RAB40B: variants seen among roughly 807,000 people sequenced by gnomAD.
RAB40B encodes ras-related protein Rab-40B.
In RAB40B, 21 loss-of-function variants were observed where a neutral mutation model predicts 24.0. The observed-to-expected ratio is 0.88, with a 90% CI of 0.62 to 1.26. RAB40B has a LOEUF of 1.26. Among genes scored for constraint, RAB40B ranks in the 50% most tolerant of loss-of-function variants. RAB40B has a pLI of 0.00. For missense variants in RAB40B, 348 were observed against 390.5 expected (o/e 0.89, Z 0.92); for synonymous variants, 167 against 169.8 (o/e 0.98, Z 0.13).
At chr17:82,664,680 T>G in intron 1 of RAB40B, 124 bp from the exon 2 acceptor site, 1 of 897,196 alleles carries the variant, frequency 1.1e-6, no homozygotes. Context: ...GGCAGGCGGA[T>G]GGGACCCCCT....
chr17:82,663,824 G>A lies in RAB40B; in HGVS notation c.203+672C>T, dbSNP rs1251477539. On this transcript the variant is annotated intron_variant, in intron 2 of 5. Transcript: ENST00000571995. The surrounding 1 kb of genome is among the most constrained non-coding windows in gnomAD (Gnocchi z 6.2). Reference sequence around the variant, plus strand: ...ATCTTCCCACAGACACCAGGCCACAGGTTCTGATCCCAAAAGCCGATTCCC... The same window carrying A: ...ATCTTCCCACAGACACCAGGCCACAAGTTCTGATCCCAAAAGCCGATTCCC... Among the ~76,000 whole-genome samples, 1 of 152,186 alleles carries A rather than the reference G, an allele frequency of 6.6e-6. No homozygotes were observed. Among genetic ancestry groups the A allele is most frequent in the Non-Finnish European group, 1.5e-5 (1 of 68,026 alleles).
intron 1 of RAB40B, among the ~76,000 whole-genome samples, chr17:82,684,160 G>T (rs900273804): frequency 6.1e-5 from 9 of 148,110 alleles, no homozygotes; most frequent in South Asian, 2.1e-4. Context: ...GGCAGGGGTT[G>T]CAGTGAGCCA....
At chr17:82,660,135 G>A (rs777904019) in intron 3 of RAB40B, among the ~76,000 whole-genome samples, 33 of 147,740 alleles carry the variant, frequency 2.2e-4, no homozygotes, top group Non-Finnish European at 4.6e-4. Context: ...GTGTACACAC[G>A]TGTACTCATG....
At chr17:82,696,903 A>C (rs1598322613) in intron 1 of RAB40B, 1 of 153,732 alleles carries the variant, frequency 6.5e-6, no homozygotes, top group South Asian at 1.9e-4. Flanking sequence ...TTCTAATTAC[A>C]CTTCCACAGC....
At chr17:82,683,514 A>G (rs763007057) in intron 1 of RAB40B, among the ~76,000 whole-genome samples, 6 of 152,236 alleles carry the variant, frequency 3.9e-5, no homozygotes, top group Non-Finnish European at 5.9e-5. Flanking sequence ...GAGGCCAGAC[A>G]TAGTGGCTCA....
rs572913212 is a variant in RAB40B at position 82,659,172 on chromosome 17, C to T, written c.342+408G>A. 3.1e-5 allele frequency: 8 copies of T among 260,006 alleles called. No homozygotes were observed. In the East Asian group the frequency reaches 3.7e-4, roughly 12 times the overall value. 16.1% of individuals were successfully genotyped at this position (260,006 alleles called of 1,614,324 possible). ...TTGTGGTCGTCGGTTCTAGCAGCCC[C>T]GGGACACTCATACAGTGGGCTTAGT... On this transcript the variant is annotated intron_variant, in intron 4 of 5. Transcript: ENST00000571995.
At chr17:82,662,470 C>T (rs747480650) in intron 2 of RAB40B, 96 of 985,296 alleles carry the variant, frequency 9.7e-5, no homozygotes, top group Non-Finnish European at 1.1e-4. Flanking sequence ...TGGGCCGCTG[C>T]CACCCTGAAG....
rs1460621567 is a variant in RAB40B, at chr17:82,659,578, AC to A, written c.342+1del. 1 of 1,613,888 alleles carries A rather than the reference AC, an allele frequency of 6.2e-7. No individual in the cohort carries two copies. The stretch of plus-strand genomic sequence containing the variant: ...TTGGGCAGTGGCATTTCTACAACAT[AC>A]CTCATCGATCTCCTTAATCCATCGA... On this transcript the variant is annotated splice_donor_variant, in intron 4 of 5. Coordinates refer to ENST00000571995, the MANE Select transcript of RAB40B (RefSeq NM_006822.3). LOFTEE classifies it high-confidence loss of function.
In RAB40B at chr17:82,692,230, G is replaced by T. The variant is rs59895598; in HGVS notation, c.142+6225C>A. ...ACAGGCAGAGCAGTGGGGCCCGCAC[G>T]GTCCGTGGGCTGAGGTGACAGGCAG... is the stretch of plus-strand genomic sequence containing the variant. On this transcript the variant is annotated intron_variant, in intron 1 of 5. Transcript: ENST00000571995. This position sits in a 1 kb window ranked among gnomAD's most constrained non-coding sequence, Gnocchi z 4.0. 0.037 allele frequency among the ~76,000 whole-genome samples: 5,405 copies of T among 146,574 alleles called. 153 individuals are homozygous for T. The highest frequency in any genetic ancestry group is 0.11 in the East Asian group (542 of 4,772).
At position 82,666,829 on chromosome 17, in the gene RAB40B, A is replaced by G. The variant is rs190198225; in HGVS notation, c.143-2273T>C. ...GACCAGCCTTTGTGGGATTTGCTTG[A>G]TTTATTTCATGTATAGGATTTACTT... On this transcript the variant is annotated intron_variant, in intron 1 of 5. Coordinates refer to ENST00000571995, the MANE Select transcript of RAB40B (RefSeq NM_006822.3). Among the ~76,000 whole-genome samples the G allele has an allele frequency of 2.6e-5, 4 of 152,272 alleles. No homozygotes were observed. In the East Asian group the frequency reaches 7.7e-4, roughly 29 times the overall value.
chr17:82,662,007 A>G, intron 2 of RAB40B: 1 of 985,424 alleles, frequency 1.0e-6, no homozygotes, highest in Non-Finnish European at 1.2e-6. Flanking sequence ...GAGTCTGCAC[A>G]TGCAACGAAC....
intron 1 of RAB40B, among the ~76,000 whole-genome samples, chr17:82,676,105 A>G (rs1338523134): frequency 6.6e-6 from 1 of 152,044 alleles, no homozygotes; most frequent in Non-Finnish European, 1.5e-5. Context: ...CTGGCTATGA[A>G]TGGGGAACCG....
intron 1 of RAB40B, among the ~76,000 whole-genome samples, chr17:82,693,588 T>C (rs947026935): frequency 6.6e-6 from 1 of 152,158 alleles, no homozygotes; most frequent in African/African-American, 2.4e-5. Context: ...GCAAAGGATG[T>C]GTACTAGGAA....
At chr17:82,676,180 C>T (rs550446695) in intron 1 of RAB40B, among the ~76,000 whole-genome samples, 4 of 152,196 alleles carry the variant, frequency 2.6e-5, no homozygotes, top group Non-Finnish European at 5.9e-5. Flanking sequence ...CAGCAGTCCA[C>T]GTCAGCTCAG....
chr17:82,687,939 G>A (rs892425957), intron 1 of RAB40B, among the ~76,000 whole-genome samples: 1 of 152,126 alleles, frequency 6.6e-6, no homozygotes, highest in Non-Finnish European at 1.5e-5. Context: ...GGGCATGGTG[G>A]CATGCACCTA....
In RAB40B at chr17:82,663,438, G is replaced by A. The variant is rs540390103; in HGVS notation, c.203+1058C>T. Among the ~76,000 whole-genome samples, 1 of 152,044 alleles carries A rather than the reference G, an allele frequency of 6.6e-6. No homozygotes were observed. Among genetic ancestry groups the A allele is most frequent in the Non-Finnish European group, 1.5e-5 (1 of 67,916 alleles). ...ACCGCAGGAGCCCCCCATCCCCACCGCCCCAGAGCTGGAACCGCAGGAGCT... is the reference window on the plus strand; with the variant it reads ...ACCGCAGGAGCCCCCCATCCCCACCACCCCAGAGCTGGAACCGCAGGAGCT... On this transcript the variant is annotated intron_variant, in intron 2 of 5. Coordinates refer to ENST00000571995, the MANE Select transcript of RAB40B (RefSeq NM_006822.3). The surrounding 1 kb of genome is among the most constrained non-coding windows in gnomAD (Gnocchi z 6.2).
At chr17:82,676,978 T>G (rs2046401104) in intron 1 of RAB40B, among the ~76,000 whole-genome samples, 1 of 147,636 alleles carries the variant, frequency 6.8e-6, no homozygotes, top group Admixed American at 7.0e-5. Flanking sequence ...AGACGGAGTC[T>G]CACTCTGTCG....
chr17:82,677,895 G>A (rs2046410674), intron 1 of RAB40B, among the ~76,000 whole-genome samples: 1 of 152,200 alleles, frequency 6.6e-6, no homozygotes, highest in African/African-American at 2.4e-5. Context: ...TCTGGACACT[G>A]GGCCCAGCGA....
intron 1 of RAB40B, among the ~76,000 whole-genome samples, chr17:82,689,396 T>C (rs1039191076): frequency 6.6e-6 from 1 of 152,212 alleles, no homozygotes; most frequent in African/African-American, 2.4e-5. Context: ...ACCCTCTCTC[T>C]GCCTGGAGAA....
Sources: allele counts gnomAD v4.1 joint callset (sites outside exome capture counted in the v4.1 genomes callset), GRCh38; gene constraint gnomAD v4.1.1; non-coding constraint Gnocchi (gnomAD v3.1); transcripts MANE v1.5; gene names NCBI Gene and HGNC (gene_info 2026-07-23, HGNC 2026-07-21).